Variants in DNAI7 observed in about 807,000 individuals in gnomAD.
The protein encoded by DNAI7 is cancer susceptibility 1.
A neutral mutation model predicts 86.6 loss-of-function variants in DNAI7; 78 were observed. The observed-to-expected ratio is 0.90, with a 90% CI of 0.75 to 1.09. The LOEUF (loss-of-function observed/expected upper bound fraction) is 1.09. DNAI7 is among the 50% of genes least tolerant of loss of function. DNAI7 has a pLI of 0.00. For missense variants in DNAI7, 753 were observed against 810.2 expected, an observed-to-expected ratio of 0.93 and a Z score of 0.86; for synonymous variants, 274 against 273.0, an observed-to-expected ratio of 1.00 and a Z score of -0.04.
At chr12:25,165,100 T>C (rs1218915735) in intron 2 of DNAI7, among the ~76,000 whole-genome samples, 1 of 152,194 alleles carries the variant, frequency 6.6e-6, no homozygotes, top group Non-Finnish European at 1.5e-5. Flanking sequence ...TGGGATGCTT[T>C]ACAGCCCTAG....
intron 2 of DNAI7, among the ~76,000 whole-genome samples, chr12:25,179,079 A>G (rs996725950): frequency 6.6e-6 from 1 of 152,124 alleles, no homozygotes; most frequent in African/African-American, 2.4e-5. Flanking sequence ...CAAATTTTTA[A>G]GTATTTTCCT....
intron 9 of DNAI7, among the ~76,000 whole-genome samples, chr12:25,143,572 T>C (rs572280617): frequency 6.6e-6 from 1 of 152,316 alleles, no homozygotes; most frequent in South Asian, 2.1e-4. Flanking sequence ...TCTTAATAAA[T>C]CACGTGTTCT....
Position 25,161,139 on chromosome 12 carries a change from TC to T in DNAI7, c.79del (p.Glu27ArgfsTer6). 6.2e-7 allele frequency: 1 copy of T among 1,613,888 alleles called. No individual in the cohort carries two copies. Among genetic ancestry groups the T allele is most frequent in the South Asian group, 1.1e-5 (1 of 91,070 alleles). On this transcript the variant is annotated frameshift_variant, in exon 3 of 16. Transcript: ENST00000395987. LOFTEE classifies it high-confidence loss of function. ...TTCCTCTTTCAGTCGTCTCTCCTCC[TC>T]CTCTTGTAGCAGCTTCAATCGTTCA... is the stretch of plus-strand genomic sequence containing the variant. ...KAERLKLLQE[E>X]EERRLKEEEE...
chr12:25,194,801 T>G, intron 1 of DNAI7: 1 of 1,420,268 alleles, frequency 7.0e-7, no homozygotes, highest in Non-Finnish European at 9.7e-7. Flanking sequence ...GGACCAATTT[T>G]CAAGCTTAGC....
intron 2 of DNAI7, among the ~76,000 whole-genome samples, chr12:25,177,668 C>A (rs1949099139): frequency 6.6e-6 from 1 of 152,076 alleles, no homozygotes; most frequent in African/African-American, 2.4e-5. Flanking sequence ...TTGTATGTCC[C>A]TAGAAATAAA....
At chr12:25,153,805 A>G (rs1271841173) in intron 6 of DNAI7, among the ~76,000 whole-genome samples, 6 of 152,070 alleles carry the variant, frequency 3.9e-5, no homozygotes, top group Admixed American at 6.5e-5. Context: ...TTTTTAATAA[A>G]TTAGTTTTTT....
intron 7 of DNAI7, among the ~76,000 whole-genome samples, chr12:25,147,375 G>A (rs1040850073): frequency 6.6e-6 from 1 of 152,074 alleles, no homozygotes; most frequent in African/African-American, 2.4e-5. Context: ...TCTTAGGTTG[G>A]GTGAGGTGGC....
At chr12:25,169,157 G>C (rs572224650) in intron 2 of DNAI7, among the ~76,000 whole-genome samples, 1 of 152,168 alleles carries the variant, frequency 6.6e-6, no homozygotes, top group African/African-American at 2.4e-5. Context: ...TGAGGTGCAC[G>C]TACACATCCA....
chr12:25,116,084 C>CT (rs35310438), intron 12 of DNAI7, among the ~76,000 whole-genome samples: 89,935 of 138,082 alleles, frequency 0.65, 32,152 homozygotes, highest in East Asian at 0.85. Flanking sequence ...GTATTTCTTT[C>CT]TTTTTTTTTT....
intron 4 of DNAI7, among the ~76,000 whole-genome samples, chr12:25,156,467 G>A (rs1001921134): frequency 1.3e-5 from 2 of 152,266 alleles, no homozygotes; most frequent in East Asian, 1.9e-4. Context: ...AAAAACTTCT[G>A]ATTTGGGCCT....
chr12:25,152,436 G>A (rs541022796), intron 6 of DNAI7, among the ~76,000 whole-genome samples: 9 of 152,346 alleles, frequency 5.9e-5, no homozygotes, highest in South Asian at 4.1e-4. Context: ...AGAACTTTCC[G>A]GTTGGTGAAC....
intron 4 of DNAI7, among the ~76,000 whole-genome samples, chr12:25,156,145 A>G (rs1173304492): frequency 6.6e-6 from 1 of 152,138 alleles, no homozygotes; most frequent in Non-Finnish European, 1.5e-5. Flanking sequence ...GAAGAGGTGA[A>G]AATTATTAAT....
chr12:25,149,842 G>GT, intron 6 of DNAI7, 68 bp from the exon 7 acceptor site: 1 of 929,048 alleles, frequency 1.1e-6, no homozygotes, highest in Non-Finnish European at 1.6e-6. Context: ...AAAAGGGAAT[G>GT]TTTTATCCCT....
At chr12:25,149,533 T>C (rs1186741785) in intron 7 of DNAI7, 95 bp downstream of exon 7, 2 of 871,916 alleles carry the variant, frequency 2.3e-6, no homozygotes, top group East Asian at 5.4e-5. Context: ...TTCCATAATC[T>C]CTTCATTTTT....
chr12:25,144,875 C>A (rs1206772090), intron 8 of DNAI7, among the ~76,000 whole-genome samples, 198 bp from the exon 9 acceptor site: 1 of 152,134 alleles, frequency 6.6e-6, no homozygotes. Flanking sequence ...GGATCCATAA[C>A]CCCACAGTCT....
chr12:25,140,615 T>C (rs1025828358), intron 9 of DNAI7, among the ~76,000 whole-genome samples: 2 of 152,086 alleles, frequency 1.3e-5, no homozygotes, highest in Non-Finnish European at 2.9e-5. Flanking sequence ...TAGAATCATA[T>C]TGTGAAAATG....
At chr12:25,173,147 C>CATTA (rs1948320870) in intron 2 of DNAI7, among the ~76,000 whole-genome samples, 1 of 152,108 alleles carries the variant, frequency 6.6e-6, no homozygotes, top group Non-Finnish European at 1.5e-5. Flanking sequence ...AAACAGTCAG[C>CATTA]AGAGTAAACA....
At chr12:25,158,293 T>C (rs1946442197) in intron 4 of DNAI7, among the ~76,000 whole-genome samples, 179 bp downstream of exon 4, 1 of 152,166 alleles carries the variant, frequency 6.6e-6, no homozygotes, top group Non-Finnish European at 1.5e-5. Context: ...AATTTCTCTA[T>C]GCCTCAATTT....
At chr12:25,128,769 T>C (rs1942481145) in intron 9 of DNAI7, among the ~76,000 whole-genome samples, 1 of 152,134 alleles carries the variant, frequency 6.6e-6, no homozygotes, top group African/African-American at 2.4e-5. Context: ...GCAACCTCTG[T>C]CCAAACCACC....
Sources: gnomAD v4.1 joint callset for allele counts (sites outside exome capture counted in the v4.1 genomes callset) on GRCh38, gnomAD v4.1.1 for gene constraint, MANE v1.5 for transcripts, NCBI Gene and HGNC (gene_info 2026-07-23, HGNC 2026-07-21) for gene names.